The following TMEM168 variants were observed in gnomAD, a reference collection of about 807,000 sequenced individuals.
TMEM168 encodes the protein transmembrane protein 168.
In TMEM168, 40 loss-of-function variants were observed where a neutral mutation model predicts 53.2. The observed-to-expected ratio is 0.75, with a 90% confidence interval of 0.58 to 0.98. TMEM168 has a LOEUF of 0.98. TMEM168 is among the 50% of genes least tolerant of loss of function. The probability of loss-of-function intolerance (pLI) is 0.00; values close to 1 mark genes in which losing one functional copy is unlikely to be tolerated. For synonymous variants in TMEM168, 282 were observed against 293.0 expected (o/e 0.96, Z 0.38); for missense variants, 771 against 828.8 (o/e 0.93, Z 0.86).
chr7:112,785,866 C>T (rs1304982201), intron 1 of TMEM168, among the ~76,000 whole-genome samples: 1 of 152,084 alleles, frequency 6.6e-6, no homozygotes, highest in African/African-American at 2.4e-5. Context: ...AAGAACTGAT[C>T]AATGGTTCAC....
At chr7:112,769,438 T>C (rs558656235) in intron 4 of TMEM168, among the ~76,000 whole-genome samples, 2 of 152,198 alleles carry the variant, frequency 1.3e-5, no homozygotes, top group Non-Finnish European at 2.9e-5. Flanking sequence ...AGAACTATTA[T>C]GTAAATTCCA....
chr7:112,765,485 T>A lies in TMEM168; in HGVS notation c.*1712A>T, dbSNP rs2116201898. 6.6e-6 allele frequency: 1 copy of A among 152,286 alleles called. No homozygotes were observed. The allele number at this position is 152,286 out of a possible 1,614,324, so 9.4% of individuals were successfully genotyped here. A position where few individuals can be genotyped will look rare whatever the true frequency, so the allele number is the denominator to read the frequency against. ...ATAGCTGAGAAATTTAAAAGGAGAT[T>A]TTACTTAACATTAACTTTTTTTAAG... On this transcript the variant is annotated 3_prime_UTR_variant, in exon 5 of 5. Transcript: ENST00000312814.
chr7:112,773,181 T>A (rs1792976708), intron 3 of TMEM168, 126 bp from the exon 4 acceptor site: 2 of 1,020,796 alleles, frequency 2.0e-6, no homozygotes. Context: ...TTGTAAAAAA[T>A]CACCCTTTCT....
chr7:112,772,650 A>C, intron 4 of TMEM168, 131 bp downstream of exon 4: 1 of 1,069,060 alleles, frequency 9.4e-7, no homozygotes, highest in Non-Finnish European at 1.3e-6. Flanking sequence ...AGCAAAGAAA[A>C]ACAAATTAGA....
intron 2 of TMEM168, among the ~76,000 whole-genome samples, chr7:112,776,668 C>T (rs912626855): frequency 6.6e-6 from 1 of 151,210 alleles, no homozygotes; most frequent in African/African-American, 2.4e-5. Flanking sequence ...AAAATCATTC[C>T]AAATACCATC....
At chr7:112,781,057 T>C (rs1426244910) in intron 2 of TMEM168, among the ~76,000 whole-genome samples, 1 of 150,020 alleles carries the variant, frequency 6.7e-6, no homozygotes, top group African/African-American at 2.5e-5. Context: ...TTACAAGAGT[T>C]AATATGGTAA....
chr7:112,770,810 T>C (rs1339794246), intron 4 of TMEM168, among the ~76,000 whole-genome samples: 1 of 152,162 alleles, frequency 6.6e-6, no homozygotes, highest in Non-Finnish European at 1.5e-5. Flanking sequence ...TAAACACACA[T>C]AAAAAGCTTA....
chr7:112,773,159 G>T, intron 3 of TMEM168, 104 bp from the exon 4 acceptor site: 1 of 1,251,796 alleles, frequency 8.0e-7, no homozygotes, highest in East Asian at 2.5e-5. Context: ...TTGCTGCTAA[G>T]TGGCAGGATT....
At chr7:112,774,359 A>ATTTT (rs558123531) in intron 3 of TMEM168, among the ~76,000 whole-genome samples, 10 of 94,256 alleles carry the variant, frequency 1.1e-4, no homozygotes, top group Non-Finnish European at 1.5e-4. Context: ...GTGTTTTTAC[A>ATTTT]TTTTTTTTTT....
At chr7:112,773,311 G>A (rs1368766014) in intron 3 of TMEM168, among the ~76,000 whole-genome samples, 1 of 151,916 alleles carries the variant, frequency 6.6e-6, no homozygotes. Flanking sequence ...TCCAAATGTA[G>A]ATAGTATTAC....
Position 112,766,885 on chromosome 7 carries a change from G to T in TMEM168, c.*312C>A. The T allele has an allele frequency of 4.0e-6, 1 of 248,538 alleles. No homozygotes were observed. Among genetic ancestry groups the T allele is most frequent in the Non-Finnish European group, 7.7e-6 (1 of 130,190 alleles). The allele number at this position is 248,538 out of a possible 1,614,324, so 15.4% of individuals were successfully genotyped here. A position where few individuals can be genotyped will look rare whatever the true frequency, so the allele number is the denominator to read the frequency against. On this transcript the variant is annotated 3_prime_UTR_variant, in exon 5 of 5. Transcript: ENST00000312814. ...AATAAGGCATTAGTAATTCATCATT[G>T]ACCATTGCAGAGCATAGACAACTGT...
chr7:112,784,772 T>C lies in TMEM168; in HGVS notation c.54A>G (p.Thr18=). The change falls in exon 2 of 5, where the codon ACA becomes ACG. Residue 18 remains threonine, a synonymous_variant. Coordinates refer to ENST00000312814, the MANE Select transcript of TMEM168 (RefSeq NM_022484.6). ...CFSHCLYLAM[T]RLEEVNREVN... is the part of the protein sequence containing the mutation. Reference sequence around the variant, plus strand: ...CTTCTCTATTTACTTCTTCCAGTCTTGTCATTGCTAAATAGAGACAATGAC... The same window carrying C: ...CTTCTCTATTTACTTCTTCCAGTCTCGTCATTGCTAAATAGAGACAATGAC... 1 of 1,609,962 alleles carries C rather than the reference T, an allele frequency of 6.2e-7. No individual in the cohort carries two copies. Among genetic ancestry groups the C allele is most frequent in the Non-Finnish European group, 8.5e-7 (1 of 1,179,086 alleles).
At chr7:112,773,791 T>TA (rs1444809898) in intron 3 of TMEM168, among the ~76,000 whole-genome samples, 1 of 152,150 alleles carries the variant, frequency 6.6e-6, no homozygotes, top group Admixed American at 6.5e-5. Context: ...TTGAAAACGT[T>TA]AGATTTTGCT....
Position 112,784,101 on chromosome 7 carries a change from T to C in TMEM168, c.725A>G (p.Tyr242Cys). 2 of 1,613,068 alleles carry C rather than the reference T, an allele frequency of 1.2e-6. No individual in the cohort carries two copies. Among genetic ancestry groups the C allele is most frequent in the Non-Finnish European group, 1.7e-6 (2 of 1,179,804 alleles). The change falls in exon 2 of 5, where the codon TAT becomes TGT. Residue 242 changes from tyrosine (Y) to cysteine (C), a missense_variant. Physicochemically the swap from Tyr to Cys is radical, Grantham distance 194. Transcript: ENST00000312814. ...CLITDPFLDI[Y>C]FSGLSVTERW... ...TTCAGTTACTGAAAGTCCACTAAAA[T>C]AAATGTCAAGGAAAGGATCAGTTAT...
intron 4 of TMEM168, 129 bp from the exon 5 acceptor site, chr7:112,767,873 TTAAA>T: frequency 1.4e-6 from 1 of 698,130 alleles, no homozygotes; most frequent in Non-Finnish European, 2.1e-6. Context: ...GTTCTTAGAA[TTAAA>T]TAAGCAAAAA....
chr7:112,768,577 T>C (rs557556316), intron 4 of TMEM168, among the ~76,000 whole-genome samples: 1 of 152,322 alleles, frequency 6.6e-6, no homozygotes, highest in Non-Finnish European at 1.5e-5. Context: ...GTAAATAAAC[T>C]TCTGACTACA....
At chr7:112,774,178 G>C (rs1793006953) in intron 3 of TMEM168, among the ~76,000 whole-genome samples, 1 of 152,116 alleles carries the variant, frequency 6.6e-6, no homozygotes, top group African/African-American at 2.4e-5. Context: ...TTTAAAGGTA[G>C]TTAGCTATAA....
At chr7:112,783,616 G>A in intron 2 of TMEM168, 82 bp downstream of exon 2, 2 of 1,298,364 alleles carry the variant, frequency 1.5e-6, no homozygotes, top group Non-Finnish European at 2.0e-6. Flanking sequence ...TCAGGAACTT[G>A]ACCTTATAAC....
chr7:112,776,756 GTT>G lies in TMEM168; in HGVS notation c.1129-1440_1129-1439del, dbSNP rs1284683369. Among the ~76,000 whole-genome samples the G allele has an allele frequency of 5.6e-3, 801 of 143,516 alleles. 3 individuals are homozygous for G. Among genetic ancestry groups the G allele is most frequent in the African/African-American group, 0.019 (739 of 39,752 alleles). 94.2% of individuals were successfully genotyped at this position (143,516 alleles called of 152,430 possible). Reference sequence around the variant, plus strand: ...TTCACAAATACATATTCATGTGTATGTTTTTTTTTTTTACCAAAATGGGATAC... The same window carrying G: ...TTCACAAATACATATTCATGTGTATGTTTTTTTTTTACCAAAATGGGATAC... On this transcript the variant is annotated intron_variant, in intron 2 of 4. Coordinates refer to ENST00000312814, the MANE Select transcript of TMEM168 (RefSeq NM_022484.6).
Sources: allele counts gnomAD v4.1 joint callset (sites outside exome capture counted in the v4.1 genomes callset), GRCh38; gene constraint gnomAD v4.1.1; transcripts MANE v1.5; gene names NCBI Gene and HGNC (gene_info 2026-07-23, HGNC 2026-07-21).